The following MAD1L1 variants were observed in gnomAD, a reference collection of about 807,000 sequenced individuals.
The protein encoded by MAD1L1 is mitotic arrest deficient 1 like 1.
Under a neutral mutation model 96.9 loss-of-function variants are expected in MAD1L1, and 95 were observed. The observed-to-expected ratio is 0.98, with a 90% CI of 0.83 to 1.16. MAD1L1 has a LOEUF of 1.16. Ranked by LOEUF, MAD1L1 falls within the 50% of genes most tolerant of loss-of-function variation. The probability of loss-of-function intolerance (pLI) is 0.00; values close to 1 mark genes in which losing one functional copy is unlikely to be tolerated. For missense variants in MAD1L1, 1,007 were observed against 954.4 expected, an observed-to-expected ratio of 1.06 and a Z score of -0.73; for synonymous variants, 473 against 396.6, an observed-to-expected ratio of 1.19 and a Z score of -2.29.
intron 18 of MAD1L1, among the ~76,000 whole-genome samples, chr7:1,831,073 GCC>G (rs869311667): frequency 1.3e-5 from 2 of 152,384 alleles, no homozygotes; most frequent in East Asian, 1.9e-4. Context: ...AAGCCAATTC[GCC>G]CTGTGTTCAC....
At chr7:1,829,098 T>C (rs1782574727) in intron 18 of MAD1L1, among the ~76,000 whole-genome samples, 2 of 152,172 alleles carry the variant, frequency 1.3e-5, no homozygotes, top group African/African-American at 4.8e-5. Flanking sequence ...GGCAGCACAT[T>C]GGGCGTGGGC....
intron 15 of MAD1L1, among the ~76,000 whole-genome samples, chr7:1,969,017 A>G (rs1780293970): frequency 6.6e-6 from 1 of 152,218 alleles, no homozygotes; most frequent in Non-Finnish European, 1.5e-5. Context: ...AGAGGGTATG[A>G]GAACTCTCCG....
At chr7:1,898,466 G>C in intron 17 of MAD1L1, 76 bp from the exon 18 acceptor site, 1 of 1,349,648 alleles carries the variant, frequency 7.4e-7, no homozygotes, top group Non-Finnish European at 1.0e-6. Flanking sequence ...GGCCAGGGCA[G>C]GGAGGAAGCC....
At chr7:2,130,495 T>C (rs1003395442) in intron 11 of MAD1L1, among the ~76,000 whole-genome samples, 1 of 152,138 alleles carries the variant, frequency 6.6e-6, no homozygotes, top group Non-Finnish European at 1.5e-5. Flanking sequence ...GAGACCAGCT[T>C]CCCACATAGT....
chr7:2,108,044 CCT>C (rs1234397541), intron 11 of MAD1L1, among the ~76,000 whole-genome samples: 4 of 151,666 alleles, frequency 2.6e-5, no homozygotes. Flanking sequence ...TCGGAAAACA[CCT>C]GTTTTAAAAC....
intron 10 of MAD1L1, among the ~76,000 whole-genome samples, chr7:2,167,273 C>T (rs374645422): frequency 2.6e-5 from 4 of 152,106 alleles, no homozygotes; most frequent in East Asian, 1.9e-4. Context: ...GCAGGCCGGG[C>T]GCGGCAGCTC....
At chr7:1,936,005 A>ACAGGGGG (rs1403321964) in intron 17 of MAD1L1, among the ~76,000 whole-genome samples, 2 of 152,226 alleles carry the variant, frequency 1.3e-5, no homozygotes, top group East Asian at 3.9e-4. Context: ...AGAGAGCAAC[A>ACAGGGGG]CAGGGGGCAG....
At chr7:1,977,548 C>T (rs1257693632) in intron 15 of MAD1L1, among the ~76,000 whole-genome samples, 1 of 152,248 alleles carries the variant, frequency 6.6e-6, no homozygotes, top group African/African-American at 2.4e-5. Flanking sequence ...CCTCGGCCAG[C>T]CCAGAGAGGG....
At chr7:2,125,265 A>T (rs972764323) in intron 11 of MAD1L1, among the ~76,000 whole-genome samples, 1 of 150,842 alleles carries the variant, frequency 6.6e-6, no homozygotes. Context: ...GCCACGAGGC[A>T]GGTGCTGACA....
intron 18 of MAD1L1, among the ~76,000 whole-genome samples, chr7:1,886,501 G>T (rs1049538874): frequency 2.2e-4 from 33 of 152,256 alleles, no homozygotes; most frequent in African/African-American, 8.0e-4. Flanking sequence ...CATGGGCTCG[G>T]TGACAAGAAT....
intron 12 of MAD1L1, among the ~76,000 whole-genome samples, chr7:2,064,978 G>C (rs1050569929): frequency 1.3e-4 from 20 of 152,130 alleles, no homozygotes; most frequent in Non-Finnish European, 2.4e-4. Context: ...CGGGAGGATG[G>C]TGGCTTCTTC....
intron 15 of MAD1L1, among the ~76,000 whole-genome samples, chr7:1,974,059 G>T (rs1780523347): frequency 6.6e-6 from 1 of 152,226 alleles, no homozygotes. Context: ...TGCACATCCT[G>T]CATAAGATCT....
intron 18 of MAD1L1, chr7:1,845,548 CGG>C (rs1783564067): frequency 2.9e-5 from 2 of 67,846 alleles, no homozygotes; most frequent in African/African-American, 6.0e-5. Context: ...GACACGCGTC[CGG>C]CTCTGGTTCA....
At chr7:2,230,278 A>G in intron 2 of MAD1L1, 135 bp from the exon 3 acceptor site, 2 of 598,078 alleles carry the variant, frequency 3.3e-6, no homozygotes. Flanking sequence ...GCCTGTAACC[A>G]CATTCTTCAA....
At chr7:2,205,069 C>T (rs1473176059) in intron 10 of MAD1L1, among the ~76,000 whole-genome samples, 2 of 147,354 alleles carry the variant, frequency 1.4e-5, no homozygotes, top group African/African-American at 2.5e-5. Context: ...TGCTTCTAAC[C>T]TCACAGGATC....
At chr7:2,111,508 A>G (rs1490205550) in intron 11 of MAD1L1, among the ~76,000 whole-genome samples, 2 of 152,236 alleles carry the variant, frequency 1.3e-5, no homozygotes, top group African/African-American at 4.8e-5. Flanking sequence ...AAAAGACTTG[A>G]GAGGAAGCAA....
chr7:2,091,649 G>C (rs190129668), intron 11 of MAD1L1, among the ~76,000 whole-genome samples: 1 of 152,054 alleles, frequency 6.6e-6, no homozygotes, highest in African/African-American at 2.4e-5. Flanking sequence ...AGTGGTGGGC[G>C]CCTGTAGTCC....
At chr7:1,895,754 G>A (rs1163699999) in intron 18 of MAD1L1, among the ~76,000 whole-genome samples, 1 of 152,230 alleles carries the variant, frequency 6.6e-6, no homozygotes, top group African/African-American at 2.4e-5. Flanking sequence ...GGAGGCGGCT[G>A]CCTCAGCTCC....
At chr7:1,944,216 G>C (rs538092524) in intron 16 of MAD1L1, among the ~76,000 whole-genome samples, 1 of 152,164 alleles carries the variant, frequency 6.6e-6, no homozygotes, top group Non-Finnish European at 1.5e-5. Context: ...TTGAGGGCAC[G>C]GGAGACAGCA....
Sources: gnomAD v4.1 joint callset for allele counts (sites outside exome capture counted in the v4.1 genomes callset) on GRCh38, gnomAD v4.1.1 for gene constraint, MANE v1.5 for transcripts, NCBI Gene and HGNC (gene_info 2026-07-23, HGNC 2026-07-21) for gene names.